ABCC9: variants seen among roughly 807,000 people sequenced by gnomAD.
ABCC9 encodes ATP-binding cassette sub-family C member 9.
Under a neutral mutation model 188.3 loss-of-function variants are expected in ABCC9, and 95 were observed. That is an observed-to-expected ratio of 0.50 (90% CI 0.43 to 0.60). ABCC9 has a LOEUF of 0.60. Among genes scored for constraint, ABCC9 ranks in the 20% least tolerant of loss-of-function variants. The pLI is 0.00. For missense variants in ABCC9, 1,102 were observed against 1,876.3 expected (o/e 0.59, Z 7.62); for synonymous variants, 659 against 652.7 (o/e 1.01, Z -0.15).
chr12:21,834,786 T>TATATACAC (rs113973392), intron 30 of ABCC9, among the ~76,000 whole-genome samples: 4 of 141,508 alleles, frequency 2.8e-5, no homozygotes, highest in African/African-American at 7.9e-5. Context: ...TATAACATTA[T>TATATACAC]ACACACACAC....
intron 18 of ABCC9, among the ~76,000 whole-genome samples, chr12:21,865,760 G>A (rs1316742971): frequency 6.6e-6 from 1 of 152,194 alleles, no homozygotes; most frequent in African/African-American, 2.4e-5. Context: ...GTTAAATTCC[G>A]ACTCTATTTA....
At chr12:21,883,976 T>C (rs1347571829) in intron 15 of ABCC9, among the ~76,000 whole-genome samples, 2 of 152,150 alleles carry the variant, frequency 1.3e-5, no homozygotes, top group Non-Finnish European at 1.5e-5. Flanking sequence ...AAAGAGAAAG[T>C]AGAATATTTA....
At chr12:21,845,915 C>G in intron 25 of ABCC9, 83 bp from the exon 26 acceptor site, 7 of 987,530 alleles carry the variant, frequency 7.1e-6, no homozygotes, top group African/African-American at 1.6e-5. Context: ...AGTATATAAA[C>G]ATTCATACAT....
chr12:21,883,604 C>T (rs757589710), intron 15 of ABCC9, among the ~76,000 whole-genome samples: 3 of 152,100 alleles, frequency 2.0e-5, no homozygotes, highest in Non-Finnish European at 4.4e-5. Flanking sequence ...ACATTCCACC[C>T]GTACATTATT....
chr12:21,926,145 T>C, intron 4 of ABCC9, 82 bp from the exon 5 acceptor site: 17 of 1,574,618 alleles, frequency 1.1e-5, no homozygotes, highest in Non-Finnish European at 1.5e-5. Context: ...TCATAAGAAC[T>C]CTATCTTAGC....
intron 31 of ABCC9, among the ~76,000 whole-genome samples, chr12:21,826,547 G>T (rs755944946): frequency 1.3e-5 from 2 of 152,114 alleles, no homozygotes; most frequent in Non-Finnish European, 2.9e-5. Flanking sequence ...TATGTTCTTG[G>T]ATTATAGTAT....
chr12:21,824,169 A>G (rs568555467), intron 31 of ABCC9, among the ~76,000 whole-genome samples: 1 of 152,282 alleles, frequency 6.6e-6, no homozygotes, highest in Admixed American at 6.5e-5. Context: ...CGTTCCATTG[A>G]TATCTAGTTT....
At chr12:21,897,592 G>T (rs887090797) in intron 12 of ABCC9, among the ~76,000 whole-genome samples, 2 of 152,092 alleles carry the variant, frequency 1.3e-5, no homozygotes, top group South Asian at 4.2e-4. Flanking sequence ...AGAAACTGAG[G>T]CTAGGAGGAT....
intron 14 of ABCC9, among the ~76,000 whole-genome samples, chr12:21,889,976 A>G (rs75646656): frequency 0.011 from 1,740 of 152,192 alleles, 18 homozygotes; most frequent in Non-Finnish European, 0.018. Flanking sequence ...TTCCATGTCT[A>G]TCTCTCCCAC....
chr12:21,917,910 A>G (rs1330703822), intron 5 of ABCC9, among the ~76,000 whole-genome samples: 1 of 152,220 alleles, frequency 6.6e-6, no homozygotes, highest in African/African-American at 2.4e-5. Flanking sequence ...AGCTTGGACA[A>G]CATTTATCAG....
intron 25 of ABCC9, 93 bp downstream of exon 25, chr12:21,848,057 G>T: frequency 1.8e-6 from 2 of 1,094,016 alleles, no homozygotes; most frequent in Middle Eastern, 2.0e-4. Context: ...TGGCAAAGTG[G>T]CTTATTATTC....
intron 20 of ABCC9, 48 bp downstream of exon 20, chr12:21,862,905 C>G (rs2137519558): frequency 8.3e-7 from 1 of 1,208,908 alleles, no homozygotes. Flanking sequence ...ACACACGAGT[C>G]AGAAAGAGTT....
At chr12:21,885,829 G>T (rs1373381539) in intron 15 of ABCC9, among the ~76,000 whole-genome samples, 1 of 152,038 alleles carries the variant, frequency 6.6e-6, no homozygotes, top group Non-Finnish European at 1.5e-5. Context: ...AGAAGGAAAC[G>T]AGTCTAAATA....
At chr12:21,869,121 T>A (rs186473411) in intron 18 of ABCC9, among the ~76,000 whole-genome samples, 2 of 152,346 alleles carry the variant, frequency 1.3e-5, no homozygotes, top group Non-Finnish European at 2.9e-5. Context: ...ACTTAAACAT[T>A]TTTGAAGAAA....
intron 11 of ABCC9, among the ~76,000 whole-genome samples, chr12:21,907,728 T>C (rs1380387147): frequency 1.3e-5 from 2 of 152,050 alleles, no homozygotes; most frequent in Non-Finnish European, 2.9e-5. Context: ...TGCACCTTGA[T>C]CCATTTCTTG....
intron 10 of ABCC9, 127 bp from the exon 11 acceptor site, chr12:21,908,338 G>C (rs982226130): frequency 8.4e-7 from 1 of 1,196,204 alleles, no homozygotes; most frequent in African/African-American, 1.5e-5. Flanking sequence ...GAAGTCAACG[G>C]TATTAGGGTT....
At chr12:21,839,457 A>G (rs1944266948) in intron 29 of ABCC9, among the ~76,000 whole-genome samples, 1 of 152,222 alleles carries the variant, frequency 6.6e-6, no homozygotes, top group Non-Finnish European at 1.5e-5. Context: ...TTCCATTCAC[A>G]GTTTCTCTAA....
chr12:21,832,987 T>A (rs1336269906), intron 30 of ABCC9, among the ~76,000 whole-genome samples: 2 of 152,184 alleles, frequency 1.3e-5, no homozygotes, highest in African/African-American at 4.8e-5. Flanking sequence ...CTGGATGGAA[T>A]TGGAGACCAT....
intron 26 of ABCC9, among the ~76,000 whole-genome samples, chr12:21,845,391 T>C (rs1258347971): frequency 6.6e-6 from 1 of 152,160 alleles, no homozygotes; most frequent in Admixed American, 6.5e-5. Flanking sequence ...AAATATTTCT[T>C]ATGATAAACT....
Sources: gnomAD v4.1 joint callset for allele counts (sites outside exome capture counted in the v4.1 genomes callset) on GRCh38, gnomAD v4.1.1 for gene constraint, MANE v1.5 for transcripts, NCBI Gene and HGNC (gene_info 2026-07-23, HGNC 2026-07-21) for gene names.